PARD3: variants seen among roughly 807,000 people sequenced by gnomAD.
PARD3 encodes partitioning defective 3 homolog.
In PARD3, 75 loss-of-function variants were observed where a neutral mutation model predicts 155.4. That is an observed-to-expected ratio of 0.48 (90% CI 0.40 to 0.58). The LOEUF (loss-of-function observed/expected upper bound fraction) is 0.58. Among genes scored for constraint, PARD3 ranks in the 20% least tolerant of loss-of-function variants. PARD3 has a pLI of 0.00. For synonymous variants in PARD3, 576 were observed against 610.5 expected, an observed-to-expected ratio of 0.94 and a Z score of 0.83; for missense variants, 1,642 against 1,721.7, an observed-to-expected ratio of 0.95 and a Z score of 0.82.
intron 7 of PARD3, among the ~76,000 whole-genome samples, chr10:34,392,863 T>C (rs113889926): frequency 6.6e-6 from 1 of 152,246 alleles, no homozygotes; most frequent in African/African-American, 2.4e-5. Flanking sequence ...GTTTTAGACA[T>C]GAAAAATACT....
At chr10:34,522,842 TATAA>T (rs938691565) in intron 2 of PARD3, among the ~76,000 whole-genome samples, 12 of 151,774 alleles carry the variant, frequency 7.9e-5, no homozygotes, top group African/African-American at 2.9e-4. Flanking sequence ...CTGACTAGCA[TATAA>T]ATAAATACAG....
At chr10:34,492,364 G>A (rs1456409470) in intron 3 of PARD3, among the ~76,000 whole-genome samples, 3 of 152,050 alleles carry the variant, frequency 2.0e-5, no homozygotes, top group Non-Finnish European at 4.4e-5. Context: ...GATTCAAACA[G>A]AACAAGGCTG....
chr10:34,270,343 A>T (rs1341268184), intron 21 of PARD3, among the ~76,000 whole-genome samples: 1 of 152,016 alleles, frequency 6.6e-6, no homozygotes, highest in African/African-American at 2.4e-5. Flanking sequence ...GGGTTTCACC[A>T]TGTTGGCCAG....
intron 22 of PARD3, among the ~76,000 whole-genome samples, chr10:34,258,679 A>T (rs1036012179): frequency 3.9e-5 from 6 of 152,142 alleles, no homozygotes; most frequent in African/African-American, 1.4e-4. Context: ...AACACATAGG[A>T]AATAGCAGTG....
At position 34,578,911 on chromosome 10, in the gene PARD3, T is replaced by C. The variant is rs193049312; in HGVS notation, c.223-61752A>G. Among the ~76,000 whole-genome samples, 50 of 152,288 alleles carry C rather than the reference T, an allele frequency of 3.3e-4. 1 individual carries two copies. The highest frequency in any genetic ancestry group is 4.6e-4 in the Admixed American group (7 of 15,288). ...TTTATACCACTTATAGGTAGAGGTG[T>C]TGAGGAAGATGGAGGGGAGCTAGAT... is the stretch of plus-strand genomic sequence containing the variant. On this transcript the variant is annotated intron_variant, in intron 2 of 24. Transcript: ENST00000374788.
intron 2 of PARD3, among the ~76,000 whole-genome samples, chr10:34,665,244 C>T (rs2476994): frequency 0.5 from 75,676 of 151,910 alleles, 22,558 homozygotes; most frequent in African/African-American, 0.85. Context: ...GCTGGGCGCA[C>T]CTCATGCCTG....
chr10:34,142,615 A>G (rs1948249124), intron 22 of PARD3, among the ~76,000 whole-genome samples: 1 of 150,874 alleles, frequency 6.6e-6, no homozygotes, highest in Non-Finnish European at 1.5e-5. Context: ...AAAGAAGGAA[A>G]GACGGATGGA....
chr10:34,794,262 G>A (rs558715305), intron 1 of PARD3, among the ~76,000 whole-genome samples: 2 of 152,280 alleles, frequency 1.3e-5, no homozygotes, highest in Non-Finnish European at 2.9e-5. Context: ...CCTCTGCTGA[G>A]GATGTAGACT....
chr10:34,403,411 T>TATGC (rs1844109128), intron 5 of PARD3, among the ~76,000 whole-genome samples: 1 of 152,212 alleles, frequency 6.6e-6, no homozygotes, highest in South Asian at 2.1e-4. Flanking sequence ...TAGAAACGTG[T>TATGC]ATGCCATCAA....
chr10:34,573,115 G>A (rs143377692), intron 2 of PARD3, among the ~76,000 whole-genome samples: 45 of 152,262 alleles, frequency 3.0e-4, no homozygotes, highest in African/African-American at 9.4e-4. Flanking sequence ...CACTTTGGGA[G>A]GCCAAAGTGG....
chr10:34,756,046 GC>G (rs1664644328), intron 1 of PARD3, among the ~76,000 whole-genome samples: 2 of 151,280 alleles, frequency 1.3e-5, no homozygotes, highest in South Asian at 4.2e-4. Flanking sequence ...AACCAAACCA[GC>G]AGAGAGAGGG....
chr10:34,459,413 C>T (rs1236345060), intron 4 of PARD3, among the ~76,000 whole-genome samples: 2 of 152,114 alleles, frequency 1.3e-5, no homozygotes, highest in African/African-American at 2.4e-5. Flanking sequence ...CCTCGTGATC[C>T]GCCCGCCTCG....
chr10:34,330,914 C>CA (rs1384574860), intron 19 of PARD3, among the ~76,000 whole-genome samples: 1 of 151,986 alleles, frequency 6.6e-6, no homozygotes, highest in Non-Finnish European at 1.5e-5. Flanking sequence ...ATGTGGCCTC[C>CA]AAAAAACCCC....
At chr10:34,757,743 C>T (rs1486958481) in intron 1 of PARD3, among the ~76,000 whole-genome samples, 1 of 151,716 alleles carries the variant, frequency 6.6e-6, no homozygotes, top group Non-Finnish European at 1.5e-5. Context: ...ATCCTGAAAA[C>T]CATTGCAAAT....
intron 1 of PARD3, among the ~76,000 whole-genome samples, chr10:34,797,794 T>A (rs185153856): frequency 1.3e-5 from 2 of 152,278 alleles, no homozygotes; most frequent in African/African-American, 4.8e-5. Flanking sequence ...TGCCCTTCCT[T>A]AACCAATTTC....
chr10:34,415,251 C>G (rs533545212), intron 5 of PARD3, among the ~76,000 whole-genome samples: 2 of 152,204 alleles, frequency 1.3e-5, no homozygotes, highest in Non-Finnish European at 2.9e-5. Context: ...ACACTCCCAC[C>G]CTGGCAACCA....
chr10:34,365,253 G>A (rs1392117320), intron 12 of PARD3, among the ~76,000 whole-genome samples: 1 of 152,086 alleles, frequency 6.6e-6, no homozygotes, highest in African/African-American at 2.4e-5. Flanking sequence ...TGACATGTAT[G>A]AAAGTCAGGA....
chr10:34,209,784 A>G lies in PARD3; in HGVS notation c.3419+59873T>C, dbSNP rs1951651575. On this transcript the variant is annotated intron_variant, in intron 22 of 24. Coordinates refer to ENST00000374788, the MANE Select transcript of PARD3 (RefSeq NM_001184785.2). ...GAAAATGCATGCAAATTCTTGGGAG[A>G]GAAAGCATTTAGTAAATGTTAGCTA... is the stretch of plus-strand genomic sequence containing the variant. 1.3e-5 allele frequency among the ~76,000 whole-genome samples: 2 copies of G among 152,216 alleles called. 1 individual carries two copies. Among genetic ancestry groups the G allele is most frequent in the South Asian group, 4.1e-4 (2 of 4,834 alleles).
At chr10:34,564,500 C>T (rs149943870) in intron 2 of PARD3, among the ~76,000 whole-genome samples, 51 of 152,238 alleles carry the variant, frequency 3.4e-4, no homozygotes, top group Admixed American at 9.8e-4. Context: ...CAGCAATCTT[C>T]GGAGGGTTTT....
Sources: allele counts gnomAD v4.1 joint callset (sites outside exome capture counted in the v4.1 genomes callset), GRCh38; gene constraint gnomAD v4.1.1; transcripts MANE v1.5; gene names NCBI Gene and HGNC (gene_info 2026-07-23, HGNC 2026-07-21).